Variants in ATP2C1 observed in about 807,000 individuals in gnomAD.
ATP2C1 encodes calcium-transporting ATPase type 2C member 1.
Under a neutral mutation model 120.5 loss-of-function variants are expected in ATP2C1, and 31 were observed. The ratio of observed to expected loss-of-function variants is 0.26; its 90% CI spans 0.19 to 0.35. The LOEUF (loss-of-function observed/expected upper bound fraction) is 0.35. Ranked by LOEUF, ATP2C1 falls within the 10% of genes least tolerant of loss-of-function variation. The pLI is 1.00. For missense variants in ATP2C1, 731 were observed against 1,107.5 expected (o/e 0.66, Z 4.83); for synonymous variants, 351 against 358.7 (o/e 0.98, Z 0.24).
intron 2 of ATP2C1, among the ~76,000 whole-genome samples, chr3:130,903,879 G>A (rs2057998228): frequency 6.6e-6 from 1 of 151,986 alleles, no homozygotes; most frequent in Admixed American, 6.6e-5. Context: ...CTCCATCCTT[G>A]TACCAAATTT....
chr3:130,918,946 C>G, intron 2 of ATP2C1: 1 of 357,992 alleles, frequency 2.8e-6, no homozygotes, highest in Non-Finnish European at 5.4e-6. Context: ...GAGCCTAGAT[C>G]GCGCCACTGC....
upstream of ATP2C1, among the ~76,000 whole-genome samples, chr3:130,890,856 T>C (rs1370414716): frequency 6.6e-6 from 1 of 152,226 alleles, no homozygotes; most frequent in African/African-American, 2.4e-5. Context: ...AATACTTCTG[T>C]TGTTCTGTTG....
At chr3:130,968,916 A>G (rs555950482) in intron 16 of ATP2C1, among the ~76,000 whole-genome samples, 2 of 152,276 alleles carry the variant, frequency 1.3e-5, no homozygotes, top group South Asian at 4.1e-4. Context: ...CTAAGAAGTG[A>G]GAGATTTAAT....
At chr3:130,983,271 G>A (rs12631088) in intron 20 of ATP2C1, among the ~76,000 whole-genome samples, 2,092 of 152,184 alleles carry the variant, frequency 0.014, 29 homozygotes, top group East Asian at 0.074. Flanking sequence ...GCTACCTTAT[G>A]AAAGATAGGC....
chr3:130,966,079 T>A (rs1352354957), intron 14 of ATP2C1, among the ~76,000 whole-genome samples: 1 of 152,152 alleles, frequency 6.6e-6, no homozygotes, highest in African/African-American at 2.4e-5. Flanking sequence ...TTATGTTGGG[T>A]ACAGTGATTT....
intron 4 of ATP2C1, among the ~76,000 whole-genome samples, chr3:130,932,788 C>A (rs1046118762): frequency 6.6e-6 from 1 of 152,110 alleles, no homozygotes; most frequent in African/African-American, 2.4e-5. Flanking sequence ...CTAAAAACTT[C>A]TTTTTAGTAA....
chr3:130,870,184 G>T (rs935155641), intron 1 of ATP2C1, among the ~76,000 whole-genome samples: 1 of 152,102 alleles, frequency 6.6e-6, no homozygotes, highest in Admixed American at 6.5e-5. Context: ...AAAAAAAATA[G>T]ATTCCTTTCA....
At chr3:130,886,380 C>T (rs1368951247) in intron 1 of ATP2C1, among the ~76,000 whole-genome samples, 1 of 152,128 alleles carries the variant, frequency 6.6e-6, no homozygotes, top group South Asian at 2.1e-4. Context: ...ATATCTTTCT[C>T]CAGGCTTAGG....
At chr3:130,989,335 T>C (rs1577010085) in intron 20 of ATP2C1, among the ~76,000 whole-genome samples, 1 of 147,564 alleles carries the variant, frequency 6.8e-6, no homozygotes, top group African/African-American at 2.5e-5. Context: ...GAGGCCAAGG[T>C]GGGCAGATCA....
intron 1 of ATP2C1, among the ~76,000 whole-genome samples, chr3:130,877,721 T>G (rs1486184091): frequency 2.0e-5 from 3 of 152,110 alleles, no homozygotes; most frequent in Admixed American, 6.5e-5. Flanking sequence ...ATTGTGGAAG[T>G]CAGTGTGGCG....
intron 2 of ATP2C1, among the ~76,000 whole-genome samples, chr3:130,915,301 C>G (rs2058634387): frequency 6.6e-6 from 1 of 152,032 alleles, no homozygotes; most frequent in Admixed American, 6.6e-5. Flanking sequence ...ACCATGTTGG[C>G]CAGGCTGGTC....
chr3:130,907,146 T>C (rs974709813), intron 2 of ATP2C1, among the ~76,000 whole-genome samples: 1 of 152,042 alleles, frequency 6.6e-6, no homozygotes, highest in Non-Finnish European at 1.5e-5. Flanking sequence ...TCTATACTTG[T>C]ACCAGTATAC....
intron 1 of ATP2C1, among the ~76,000 whole-genome samples, chr3:130,857,563 T>TAC (rs1229121315): frequency 1.3e-5 from 2 of 152,154 alleles, no homozygotes; most frequent in Non-Finnish European, 2.9e-5. Context: ...TCCTCATTGG[T>TAC]CTCCCAGTAA....
chr3:130,940,985 G>A (rs940757169), intron 7 of ATP2C1, among the ~76,000 whole-genome samples: 6 of 138,026 alleles, frequency 4.3e-5, no homozygotes, highest in Non-Finnish European at 9.2e-5. Flanking sequence ...CACAATCTCG[G>A]CTCACTGCAA....
intron 26 of ATP2C1, among the ~76,000 whole-genome samples, chr3:131,011,937 A>C (rs1305827452): frequency 6.6e-6 from 1 of 152,168 alleles, no homozygotes; most frequent in Non-Finnish European, 1.5e-5. Flanking sequence ...CATGTAGGAG[A>C]AGATATACAC....
intron 1 of ATP2C1, among the ~76,000 whole-genome samples, chr3:130,886,867 G>T (rs926273573): frequency 3.9e-5 from 6 of 152,166 alleles, no homozygotes; most frequent in Non-Finnish European, 7.3e-5. Context: ...TTCATTTAGT[G>T]AGGTCATGTT....
chr3:130,922,428 A>ATT (rs2108267044), intron 2 of ATP2C1, among the ~76,000 whole-genome samples: 1 of 151,282 alleles, frequency 6.6e-6, no homozygotes, highest in Non-Finnish European at 1.5e-5. Context: ...TGTTTCATTT[A>ATT]TTTTTTGTAA....
chr3:130,970,107 C>T (rs1301754876), intron 17 of ATP2C1, among the ~76,000 whole-genome samples: 1 of 152,160 alleles, frequency 6.6e-6, no homozygotes, highest in African/African-American at 2.4e-5. Context: ...CACCTGAGGT[C>T]AGGAGTTTGA....
At chr3:130,955,519 G>A (rs958327534) in intron 10 of ATP2C1, among the ~76,000 whole-genome samples, 1 of 152,156 alleles carries the variant, frequency 6.6e-6, no homozygotes, top group African/African-American at 2.4e-5. Flanking sequence ...AAGTATTAAA[G>A]ATGAGTTCAT....
Sources: gnomAD v4.1 joint callset for allele counts (sites outside exome capture counted in the v4.1 genomes callset) on GRCh38, gnomAD v4.1.1 for gene constraint, MANE v1.5 for transcripts, NCBI Gene and HGNC (gene_info 2026-07-23, HGNC 2026-07-21) for gene names.